Variants in DPP6 observed in about 807,000 individuals in gnomAD.
DPP6 encodes the protein A-type potassium channel modulatory protein DPP6.
DPP6 carries 69 observed loss-of-function variants against 122.6 expected under a neutral mutation model. That is an observed-to-expected ratio of 0.56 (90% CI 0.46 to 0.69). The LOEUF (loss-of-function observed/expected upper bound fraction) is 0.69. Ranked by LOEUF, DPP6 falls within the 30% of genes least tolerant of loss-of-function variation. DPP6 has a pLI of 0.00. For synonymous variants in DPP6, 418 were observed against 433.1 expected (o/e 0.97, Z 0.43); for missense variants, 928 against 1,116.9 (o/e 0.83, Z 2.41).
chr7:154,079,189 C>T lies in DPP6; in HGVS notation c.243+26126C>T, dbSNP rs1439746637. Among the ~76,000 whole-genome samples the T allele has an allele frequency of 3.9e-5, 6 of 152,158 alleles. No individual in the cohort carries two copies. In the East Asian group the frequency reaches 1.2e-3, roughly 29 times the overall value. On this transcript the variant is annotated intron_variant, in intron 1 of 25. Coordinates refer to ENST00000377770, the MANE Select transcript of DPP6 (RefSeq NM_130797.4). ...CATCCTGGGGGACAGAGCTAGACTC[C>T]ATCTCAAAAACGAAAGTGCCTGGTC...
At chr7:154,546,592 A>G (rs950105569) in intron 4 of DPP6, among the ~76,000 whole-genome samples, 1 of 151,736 alleles carries the variant, frequency 6.6e-6, no homozygotes, top group African/African-American at 2.4e-5. Context: ...TGCTTATTTT[A>G]ATGACTAAAT....
chr7:154,221,179 C>T (rs1800284061), intron 1 of DPP6, among the ~76,000 whole-genome samples: 1 of 152,110 alleles, frequency 6.6e-6, no homozygotes, highest in Non-Finnish European at 1.5e-5. Context: ...CTCGTTCTAT[C>T]ACCCAGGCTG....
At chr7:154,687,262 A>T (rs71534158) in intron 7 of DPP6, among the ~76,000 whole-genome samples, 1 of 152,064 alleles carries the variant, frequency 6.6e-6, no homozygotes, top group South Asian at 2.1e-4. Context: ...AGTCTTTTTC[A>T]GTTTTCTGTC....
At chr7:154,419,224 C>T (rs183215470) in intron 1 of DPP6, among the ~76,000 whole-genome samples, 1 of 152,268 alleles carries the variant, frequency 6.6e-6, no homozygotes, top group East Asian at 1.9e-4. Flanking sequence ...TGTTTCAACA[C>T]GCTGGAAGGT....
chr7:153,841,506 AAC>A, the DPP6 span, among the ~76,000 whole-genome samples: 1 of 152,156 alleles, frequency 6.6e-6, no homozygotes, highest in Non-Finnish European at 1.5e-5. Context: ...AAATTCTCTA[AAC>A]ACAAATTAAA....
At chr7:154,723,545 T>G (rs1179740336) in intron 7 of DPP6, among the ~76,000 whole-genome samples, 2 of 152,026 alleles carry the variant, frequency 1.3e-5, no homozygotes, top group Non-Finnish European at 2.9e-5. Context: ...TGAAATTAAA[T>G]TAGGTTGTAT....
intron 15 of DPP6, among the ~76,000 whole-genome samples, chr7:154,805,574 C>T (rs1798646750): frequency 1.3e-5 from 2 of 152,186 alleles, no homozygotes; most frequent in African/African-American, 4.8e-5. Flanking sequence ...TATGATGAGG[C>T]CCTAAAGGCA....
At chr7:154,322,060 C>A (rs1808017995) in intron 1 of DPP6, among the ~76,000 whole-genome samples, 1 of 134,134 alleles carries the variant, frequency 7.5e-6, no homozygotes, top group Non-Finnish European at 1.6e-5. Flanking sequence ...CAACCCCCAA[C>A]CCCCAGCTTA....
intron 9 of DPP6, among the ~76,000 whole-genome samples, chr7:154,770,285 A>G (rs778754106): frequency 1.3e-5 from 2 of 152,138 alleles, no homozygotes; most frequent in Non-Finnish European, 2.9e-5. Flanking sequence ...ACAAGAGGAG[A>G]GAGTTTGTGC....
chr7:154,021,673 G>T (rs899012566), intron 1 of DPP6, among the ~76,000 whole-genome samples: 5 of 152,148 alleles, frequency 3.3e-5, no homozygotes, highest in African/African-American at 4.8e-5. Flanking sequence ...GAAGACATCT[G>T]GGTGTTCCAG....
In DPP6 at chr7:154,708,565, A is replaced by G. The variant is rs377125893; in HGVS notation, c.763-19202A>G. Among the ~76,000 whole-genome samples the G allele has an allele frequency of 1.1e-4, 16 of 152,310 alleles. No homozygotes were observed. In the East Asian group the frequency reaches 1.5e-3, roughly 15 times the overall value. On this transcript the variant is annotated intron_variant, in intron 7 of 25. Transcript: ENST00000377770. ...ATTTATAGCTCAGTGATCATGATTC[A>G]TGCTTTCCACTTGTCGGAATTTATC...
intron 1 of DPP6, among the ~76,000 whole-genome samples, chr7:153,992,374 T>C (rs1331078889): frequency 6.6e-6 from 1 of 152,044 alleles, no homozygotes; most frequent in Non-Finnish European, 1.5e-5. Flanking sequence ...ATATCCCTGT[T>C]CTTCTAGTTA....
intron 1 of DPP6, among the ~76,000 whole-genome samples, chr7:154,367,272 A>G (rs1459793065): frequency 6.6e-6 from 1 of 152,230 alleles, no homozygotes; most frequent in Non-Finnish European, 1.5e-5. Flanking sequence ...CAGCCATAGG[A>G]GACATTTCTA....
chr7:154,150,224 CAG>C (rs1185370082), intron 1 of DPP6, among the ~76,000 whole-genome samples: 1 of 152,084 alleles, frequency 6.6e-6, no homozygotes, highest in African/African-American at 2.4e-5. Flanking sequence ...AGTCCATAAA[CAG>C]GAAATAAACA....
intron 7 of DPP6, among the ~76,000 whole-genome samples, chr7:154,684,428 A>C (rs1839475034): frequency 6.6e-6 from 1 of 152,238 alleles, no homozygotes; most frequent in South Asian, 2.1e-4. Context: ...TACGTGTTCA[A>C]AGGTTGAATG....
At chr7:154,325,677 A>G (rs1808386966) in intron 1 of DPP6, among the ~76,000 whole-genome samples, 1 of 152,222 alleles carries the variant, frequency 6.6e-6, no homozygotes, top group Non-Finnish European at 1.5e-5. Context: ...TATTTTCATT[A>G]GAAACTAAAG....
chr7:154,752,976 G>A (rs541115736), intron 8 of DPP6, among the ~76,000 whole-genome samples: 1 of 152,258 alleles, frequency 6.6e-6, no homozygotes, highest in South Asian at 2.1e-4. Context: ...GTGCGGGGCT[G>A]TTTGTCCTCC....
In DPP6 at chr7:154,474,939, C is replaced by T. The variant is rs377188231; in HGVS notation, c.359C>T (p.Ala120Val). Reference protein sequence around the residue: ...IVTSVILLTPAEDNSLSQKKK... With the variant: ...IVTSVILLTPVEDNSLSQKKK... ...CTCTTTGCTTTTTATTTTTTTCTAG[C>T]GGAAGATAATAGTCTGTCTCAAAAG... The change falls in exon 3 of 26, where the codon GCG (alanine) becomes GTG (valine). Residue 120 changes from alanine (A) to valine (V), a missense_variant and splice_region_variant. Ala to Val is a moderately conservative substitution (Grantham distance 64). Coordinates refer to ENST00000377770, the MANE Select transcript of DPP6 (RefSeq NM_130797.4). The T allele has an allele frequency of 1.5e-5, 24 of 1,609,670 alleles. No homozygotes were observed. The highest frequency in any genetic ancestry group is 8.4e-5 in the Admixed American group (5 of 59,808).
intron 1 of DPP6, chr7:154,095,087 C>T: frequency 6.6e-6 from 1 of 152,022 alleles, no homozygotes. Flanking sequence ...TCACCCTGCA[C>T]AGTGAAGAGA....
Sources: gnomAD v4.1 joint callset for allele counts (sites outside exome capture counted in the v4.1 genomes callset) on GRCh38, gnomAD v4.1.1 for gene constraint, MANE v1.5 for transcripts, NCBI Gene and HGNC (gene_info 2026-07-23, HGNC 2026-07-21) for gene names.